The following RHBDD1 variants were observed in gnomAD, a reference collection of about 807,000 sequenced individuals.
RHBDD1 encodes rhomboid-related protein 4.
RHBDD1 carries 38 observed loss-of-function variants against 36.3 expected under a neutral mutation model. That is an observed-to-expected ratio of 1.05 (90% CI 0.81 to 1.37). The LOEUF is 1.37. Among genes scored for constraint, RHBDD1 ranks in the 40% most tolerant of loss-of-function variants. RHBDD1 has a pLI of 0.00. For missense variants in RHBDD1, 393 were observed against 377.6 expected (o/e 1.04, Z -0.34); for synonymous variants, 151 against 136.5 (o/e 1.11, Z -0.74).
intron 8 of RHBDD1, chr2:226,988,490 A>G (rs917318765): frequency 1.3e-6 from 2 of 1,540,698 alleles, no homozygotes; most frequent in African/African-American, 2.8e-5. Flanking sequence ...GGAGTTGAGC[A>G]AAGACTCAGG....
intron 8 of RHBDD1, among the ~76,000 whole-genome samples, chr2:226,917,862 TA>T (rs1397120183): frequency 1.3e-5 from 2 of 151,956 alleles, no homozygotes. Context: ...GAATGAAATA[TA>T]AAAATAAATA....
intron 2 of RHBDD1, among the ~76,000 whole-genome samples, chr2:226,839,205 A>G (rs1048299271): frequency 2.0e-5 from 3 of 152,118 alleles, no homozygotes; most frequent in Admixed American, 1.3e-4. Context: ...TCATAATTTT[A>G]TTTGTCAGTA....
rs773855639 is a variant in RHBDD1 at position 226,904,416 on chromosome 2, G to GA, written c.567-2377_567-2376insA. 4.7e-5 allele frequency among the ~76,000 whole-genome samples: 7 copies of GA among 148,198 alleles called. 1 individual carries two copies. Among genetic ancestry groups the GA allele is most frequent in the East Asian group, 4.0e-4 (2 of 4,942 alleles). On this transcript the variant is annotated intron_variant, in intron 5 of 8. Coordinates refer to ENST00000392062, the MANE Select transcript of RHBDD1 (RefSeq NM_001167608.3). ...ACCACTGTGGCACATCCTGCAAGCG[G>GA]GGGGGGAGGGGGGTCAGGGAACTCC...
At chr2:226,885,693 C>T (rs1019270956) in intron 5 of RHBDD1, among the ~76,000 whole-genome samples, 2 of 151,918 alleles carry the variant, frequency 1.3e-5, no homozygotes, top group African/African-American at 4.8e-5. Context: ...ATGGCTTTTT[C>T]TTCAAACATT....
At chr2:226,903,695 G>T (rs1291711399) in intron 5 of RHBDD1, among the ~76,000 whole-genome samples, 1 of 152,042 alleles carries the variant, frequency 6.6e-6, no homozygotes, top group Non-Finnish European at 1.5e-5. Context: ...CCCAGCAAAG[G>T]CCCCACCCTC....
At chr2:226,941,665 T>G (rs749533114) in intron 8 of RHBDD1, among the ~76,000 whole-genome samples, 1 of 152,186 alleles carries the variant, frequency 6.6e-6, no homozygotes, top group Non-Finnish European at 1.5e-5. Flanking sequence ...GCATTTGTTT[T>G]GATTTTGAAA....
chr2:226,860,111 ATGTCTT>A (rs1943709014), intron 3 of RHBDD1, among the ~76,000 whole-genome samples: 1 of 152,162 alleles, frequency 6.6e-6, no homozygotes, highest in African/African-American at 2.4e-5. Context: ...GGATCTTTCT[ATGTCTT>A]TGGCTTGAAC....
At chr2:226,914,130 G>C in intron 7 of RHBDD1, 78 bp from the exon 8 acceptor site, 2 of 1,313,510 alleles carry the variant, frequency 1.5e-6, no homozygotes, top group Non-Finnish European at 2.1e-6. Flanking sequence ...TTACTCGCTT[G>C]TCTTTGCTTA....
At chr2:226,832,542 A>C (rs1479012189), upstream of RHBDD1, among the ~76,000 whole-genome samples, 2 of 152,186 alleles carry the variant, frequency 1.3e-5, no homozygotes, top group Non-Finnish European at 2.9e-5. Flanking sequence ...GTTGTTCTAC[A>C]CATTATTGTG....
chr2:226,963,888 G>A (rs1952421074), intron 8 of RHBDD1, among the ~76,000 whole-genome samples: 1 of 152,076 alleles, frequency 6.6e-6, no homozygotes, highest in Non-Finnish European at 1.5e-5. Context: ...AACCTATTCT[G>A]TACTCACCAC....
At chr2:226,863,022 C>T (rs1304882838) in intron 3 of RHBDD1, among the ~76,000 whole-genome samples, 1 of 152,256 alleles carries the variant, frequency 6.6e-6, no homozygotes, top group Non-Finnish European at 1.5e-5. Context: ...AAACACCTCC[C>T]ATTAGGCTCT....
At chr2:226,994,955 G>A (rs1275264179) in intron 8 of RHBDD1, among the ~76,000 whole-genome samples, 11 of 152,096 alleles carry the variant, frequency 7.2e-5, no homozygotes, top group African/African-American at 2.4e-4. Context: ...TTTCAATCAC[G>A]CATGATTCTT....
At chr2:226,961,822 A>G (rs186826972) in intron 8 of RHBDD1, among the ~76,000 whole-genome samples, 1 of 152,288 alleles carries the variant, frequency 6.6e-6, no homozygotes, top group East Asian at 1.9e-4. Flanking sequence ...AACTCATATA[A>G]GGCTCACTGT....
chr2:226,848,525 A>C (rs1443103821), intron 3 of RHBDD1, among the ~76,000 whole-genome samples: 4 of 152,224 alleles, frequency 2.6e-5, no homozygotes, highest in Non-Finnish European at 5.9e-5. Flanking sequence ...AGCTGGACAA[A>C]CTGAAAATCA....
At chr2:226,856,141 G>A (rs1409232523) in intron 3 of RHBDD1, among the ~76,000 whole-genome samples, 7 of 152,118 alleles carry the variant, frequency 4.6e-5, no homozygotes, top group Admixed American at 3.3e-4. Context: ...TGAACATGGT[G>A]TAATGATGTG....
chr2:226,855,449 A>G (rs1240879950), intron 3 of RHBDD1, among the ~76,000 whole-genome samples: 1 of 152,214 alleles, frequency 6.6e-6, no homozygotes, highest in African/African-American at 2.4e-5. Context: ...GGCTGCTGTG[A>G]GCTATGATTG....
chr2:226,962,066 C>T (rs1952240518), intron 8 of RHBDD1, among the ~76,000 whole-genome samples: 1 of 152,162 alleles, frequency 6.6e-6, no homozygotes, highest in African/African-American at 2.4e-5. Flanking sequence ...GAGATGGGAA[C>T]TCCCTCCTGC....
the RHBDD1 span, among the ~76,000 whole-genome samples, chr2:226,812,605 A>T: frequency 0.24 from 36,854 of 152,136 alleles, 5,656 homozygotes; most frequent in Non-Finnish European, 0.35. Context: ...TGGGGGGAAA[A>T]GTAAGGTGCA....
chr2:226,825,452 T>C, the RHBDD1 span, among the ~76,000 whole-genome samples: 1 of 152,198 alleles, frequency 6.6e-6, no homozygotes, highest in African/African-American at 2.4e-5. Context: ...ATTTAATTTT[T>C]AGAAAATACT....
Sources: gnomAD v4.1 joint callset for allele counts (sites outside exome capture counted in the v4.1 genomes callset) on GRCh38, gnomAD v4.1.1 for gene constraint, MANE v1.5 for transcripts, NCBI Gene and HGNC (gene_info 2026-07-23, HGNC 2026-07-21) for gene names.